The following COL6A2 variants were observed in gnomAD, a reference collection of about 807,000 sequenced individuals.
COL6A2 encodes collagen type VI alpha 2 chain.
In COL6A2, 90 loss-of-function variants were observed where a neutral mutation model predicts 124.9. That is an observed-to-expected ratio of 0.72 (90% CI 0.61 to 0.86). COL6A2 has a LOEUF of 0.86. COL6A2 is among the 40% of genes least tolerant of loss of function. The pLI is 0.00. For missense variants in COL6A2, 1,607 were observed against 1,502.5 expected, an observed-to-expected ratio of 1.07 and a Z score of -1.15; for synonymous variants, 793 against 618.2, an observed-to-expected ratio of 1.28 and a Z score of -4.19.
chr21:46,129,556 C>A (rs2078730716), intron 27 of COL6A2: 4 of 1,478,200 alleles, frequency 2.7e-6, no homozygotes, highest in Non-Finnish European at 3.6e-6. Flanking sequence ...GGGCTGCCCC[C>A]GACAGGCTGG....
chr21:46,114,715 C>CTGGTT (rs2078448456), intron 5 of COL6A2, among the ~76,000 whole-genome samples: 1 of 152,110 alleles, frequency 6.6e-6, no homozygotes, highest in Non-Finnish European at 1.5e-5. Context: ...TTTAGGGAGC[C>CTGGTT]TGGTTTGAAT....
Position 46,117,916 on chromosome 21 carries a change from C to T in COL6A2, c.1096C>T (p.Arg366Ter), listed in dbSNP as rs387906609. ...GGGGGAAGCAGGGAGTCCAGGGGAG[C>T]GAGGAGACCAAGGCGGCAAGGTAAG... ...YPGEAGSPGERGDQGGKGDPG... is the reference protein window; with the variant it reads ...YPGEAGSPGE Residue 366 changes from arginine to a stop codon, truncating the protein, a stop_gained, in exon 12 of 28, where the codon CGA becomes TGA. Coordinates refer to ENST00000300527, the MANE Select transcript of COL6A2 (RefSeq NM_001849.4). LOFTEE classifies it high-confidence loss of function. 1.3e-5 allele frequency: 21 copies of T among 1,612,836 alleles called. No homozygotes were observed. The highest frequency in any genetic ancestry group is 1.5e-5 in the Non-Finnish European group (18 of 1,179,790).
intron 27 of COL6A2, chr21:46,129,216 G>GAGCCCCC: frequency 6.2e-7 from 1 of 1,612,844 alleles, no homozygotes; most frequent in Non-Finnish European, 8.5e-7. Context: ...GCCTGGCGGC[G>GAGCCCCC]AGCCCCCGGT....
At chr21:46,110,657 CGAG>C (rs2078385495) in intron 1 of COL6A2, among the ~76,000 whole-genome samples, 1 of 150,574 alleles carries the variant, frequency 6.6e-6, no homozygotes, top group African/African-American at 2.4e-5. Flanking sequence ...CCATCTGCAC[CGAG>C]GAGAGGGCGG....
intron 15 of COL6A2, among the ~76,000 whole-genome samples, 184 bp downstream of exon 15, chr21:46,120,034 G>A (rs539422464): frequency 6.7e-6 from 1 of 150,202 alleles, no homozygotes; most frequent in African/African-American, 2.4e-5. Flanking sequence ...CTCTGCTGAG[G>A]AAGCTCCACT....
At position 46,118,606 on chromosome 21, in the gene COL6A2, C is replaced by A. The variant is rs1601231143; in HGVS notation, c.1117-8C>A. 1 of 1,612,456 alleles carries A rather than the reference C, an allele frequency of 6.2e-7. No individual in the cohort carries two copies. The highest frequency in any genetic ancestry group is 8.5e-7 in the Non-Finnish European group (1 of 1,179,840). On this transcript the variant is annotated splice_polypyrimidine_tract_variant and splice_region_variant and intron_variant, in intron 12 of 27. Transcript: ENST00000300527. ...AAGACGTGAGGCTGATTCTGCAAAC[C>A]CTTCCAGGGGGACCCTGGCCGCCCA...
chr21:46,111,041 GCTGGGAT>G (rs1568924490), intron 1 of COL6A2, among the ~76,000 whole-genome samples: 3 of 152,196 alleles, frequency 2.0e-5, no homozygotes, highest in Non-Finnish European at 2.9e-5. Flanking sequence ...GTCTGGGGAA[GCTGGGAT>G]CTCTCTCCCG....
At chr21:46,127,230 T>C (rs1048011999) in intron 27 of COL6A2, among the ~76,000 whole-genome samples, 13 of 151,896 alleles carry the variant, frequency 8.6e-5, no homozygotes, top group African/African-American at 9.7e-5. Flanking sequence ...AGGGATGCCA[T>C]GGAGACAGGG....
chr21:46,112,475 C>A lies in COL6A2; in HGVS notation c.612C>A (p.Ile204=), dbSNP rs773143298. The A allele has an allele frequency of 4.3e-6, 7 of 1,610,834 alleles. No homozygotes were observed. Among genetic ancestry groups the A allele is most frequent in the African/African-American group, 1.3e-5 (1 of 74,898 alleles). ...QNLKEQGLRD[I]ASTPHELYRN... is the part of the protein sequence containing the mutation. Reference sequence around the variant, plus strand: ...TGAAGGAGCAGGGCCTGCGGGACATCGCCAGCACGCCGCACGAGCTCTACC... The same window carrying A: ...TGAAGGAGCAGGGCCTGCGGGACATAGCCAGCACGCCGCACGAGCTCTACC... The change falls in exon 3 of 28, where the codon ATC becomes ATA. Residue 204 remains isoleucine (I), a synonymous_variant. Transcript: ENST00000300527.
chr21:46,116,495 G>A lies in COL6A2; in HGVS notation c.927+92G>A. 1 of 1,586,164 alleles carries A rather than the reference G, an allele frequency of 6.3e-7. No individual in the cohort carries two copies. The highest frequency in any genetic ancestry group is 8.6e-7 in the Non-Finnish European group (1 of 1,158,876). ...CCGCCGCAGCCTGTCACTGCTCCTG[G>A]GGCACCGGCCTGGTCTTTTCTCAGT... On this transcript the variant is annotated intron_variant, in intron 8 of 27. Transcript: ENST00000300527. This position sits in a 1 kb window ranked among gnomAD's most constrained non-coding sequence, Gnocchi z 4.6.
At chr21:46,125,725 G>A in intron 25 of COL6A2, 60 bp from the exon 26 acceptor site, 2 of 1,601,174 alleles carry the variant, frequency 1.2e-6, no homozygotes, top group Non-Finnish European at 8.5e-7. Context: ...GCCTCTGCAT[G>A]GCTGGGGATG....
chr21:46,100,282 G>T (rs1168802904), intron 1 of COL6A2, among the ~76,000 whole-genome samples: 5 of 152,038 alleles, frequency 3.3e-5, no homozygotes, highest in African/African-American at 1.2e-4. Flanking sequence ...AAGAGACGGG[G>T]TCTCACTATG....
chr21:46,117,930 C>A lies in COL6A2; in HGVS notation c.1110C>A (p.Gly370=), dbSNP rs371161891. Residue 370 remains glycine, a synonymous_variant, in exon 12 of 28, where the codon GGC becomes GGA. Transcript: ENST00000300527. ...GTCCAGGGGAGCGAGGAGACCAAGG[C>A]GGCAAGGTAAGTGGCCTTGTCAGGG... ...AGSPGERGDQ[G]GKGDPGRPGR... is the part of the protein sequence containing the mutation. 1.2e-6 allele frequency: 2 copies of A among 1,612,610 alleles called. No homozygotes were observed. The highest frequency in any genetic ancestry group is 1.3e-5 in the African/African-American group (1 of 75,030).
intron 4 of COL6A2, chr21:46,113,666 C>A (rs1568927399): frequency 4.9e-6 from 2 of 408,964 alleles, no homozygotes; most frequent in South Asian, 4.4e-5. Flanking sequence ...CTCAAGCAGT[C>A]CTCCCTGCCT....
rs762812372 is a variant in COL6A2 at position 46,132,281 on chromosome 21, G to A, written c.2789G>A (p.Arg930His). The A allele has an allele frequency of 4.2e-5, 67 of 1,606,160 alleles. No individual in the cohort carries two copies. Among genetic ancestry groups the A allele is most frequent in the Non-Finnish European group, 5.0e-5 (59 of 1,178,992 alleles). Residue 930 changes from arginine to histidine, a missense_variant, in exon 28 of 28, where the codon CGC becomes CAC. Arg to His is a conservative substitution (Grantham distance 29). Around this residue, in one of 3 missense-constraint regions of COL6A2, gnomAD observed 1,223 missense variants for 1,052.2 expected, o/e 1.16. Coordinates refer to ENST00000300527, the MANE Select transcript of COL6A2 (RefSeq NM_001849.4). ...GTGCACGCCATCAATGCCATCGTGC[G>A]CAGCCCGCGTGGCGGGGCCCGGAGG... is the stretch of plus-strand genomic sequence containing the variant. Reference protein sequence around the residue: ...GVVHAINAIVRSPRGGARRHA... With the variant: ...GVVHAINAIVHSPRGGARRHA...
At chr21:46,114,880 C>T (rs1319202352) in intron 5 of COL6A2, among the ~76,000 whole-genome samples, 3 of 152,252 alleles carry the variant, frequency 2.0e-5, no homozygotes, top group Non-Finnish European at 4.4e-5. Flanking sequence ...GAGAAAGTAG[C>T]TTCTAAGGAG....
chr21:46,099,889 C>CTTTTTTTTTTTTTTTT lies in COL6A2; in HGVS notation c.-28+1724_-28+1739dup, dbSNP rs869028897. 3.8e-4 allele frequency among the ~76,000 whole-genome samples: 35 copies of CTTTTTTTTTTTTTTTT among 91,836 alleles called. 2 individuals are homozygous for CTTTTTTTTTTTTTTTT. Among genetic ancestry groups the CTTTTTTTTTTTTTTTT allele is most frequent in the Non-Finnish European group, 6.3e-4 (30 of 47,664 alleles). The allele number at this position is 91,836 out of a possible 152,430, so 60.2% of individuals were successfully genotyped here. Reference sequence around the variant, plus strand: ...TCTCCACAATGGATAGCAGCACTGTCTTTTTTTTTTTTTTTTTTTTTTTCT... The same window carrying CTTTTTTTTTTTTTTTT: ...TCTCCACAATGGATAGCAGCACTGTCTTTTTTTTTTTTTTTTTTTTTTTTTTTTTTTTTTTTTTTCT... On this transcript the variant is annotated intron_variant, in intron 1 of 27. Transcript: ENST00000300527.
At chr21:46,125,057 AGCAAGCTTGGTTGGGGAAGGTCACAGG>A (rs1287896319) in intron 23 of COL6A2, 137 bp downstream of exon 23, 2 of 1,248,942 alleles carry the variant, frequency 1.6e-6, no homozygotes, top group East Asian at 2.4e-5. Flanking sequence ...AAGGTCAGAG[AGCAAGCTTGGTTGGGGAAGGTCACAGG>A]GCAAGGTTGG....
At position 46,112,216 on chromosome 21, in the gene COL6A2, T is replaced by C. The variant is rs1568925754; in HGVS notation, c.353T>C (p.Phe118Ser). 6.2e-7 allele frequency: 1 copy of C among 1,612,846 alleles called. No individual in the cohort carries two copies. Among genetic ancestry groups the C allele is most frequent in the Admixed American group, 1.7e-5 (1 of 60,026 alleles). ...CCACCGGGCAGCGACCGGGCCTCCT[T>C]CATCAAGAACCTGCAGGGCATCAGC... ...FSPPGSDRAS[F>S]IKNLQGISSF... Residue 118 changes from phenylalanine to serine, a missense_variant, in exon 3 of 28, where the codon TTC (phenylalanine) becomes TCC (serine). Phe to Ser is a radical substitution (Grantham distance 155). This residue lies in a region of COL6A2 where 342 missense variants were observed against 381.5 expected (regional missense o/e 0.90). Transcript: ENST00000300527.
Sources: allele counts gnomAD v4.1 joint callset (sites outside exome capture counted in the v4.1 genomes callset), GRCh38; gene constraint gnomAD v4.1.1; regional missense constraint gnomAD v4.1.1; non-coding constraint Gnocchi (gnomAD v3.1); transcripts MANE v1.5; gene names NCBI Gene and HGNC (gene_info 2026-07-23, HGNC 2026-07-21).